Variants in RANBP2 observed in about 807,000 individuals in gnomAD.
RANBP2 encodes the protein E3 SUMO-protein ligase RanBP2.
Under a neutral mutation model 303.6 loss-of-function variants are expected in RANBP2, and 57 were observed. That is an observed-to-expected ratio of 0.19 (90% CI 0.15 to 0.23). The LOEUF (loss-of-function observed/expected upper bound fraction) is 0.23, where lower values mean the gene tolerates loss of function less well. Ranked by LOEUF, RANBP2 falls within the 10% of genes least tolerant of loss-of-function variation. The pLI, the probability that RANBP2 is intolerant of heterozygous loss-of-function variation, is 1.00. For missense variants in RANBP2, 3,138 were observed against 3,780.8 expected (o/e 0.83, Z 4.46); for synonymous variants, 1,167 against 1,301.5 (o/e 0.90, Z 2.23).
At chr2:109,553,125 T>G in the RANBP2 span, 1 of 1,613,752 alleles carries the variant, frequency 6.2e-7, no homozygotes. Context: ...TCTTTCTCCT[T>G]TACTCGCTGC....
the RANBP2 span, among the ~76,000 whole-genome samples, chr2:109,430,669 A>G: frequency 2.0e-5 from 3 of 152,132 alleles, no homozygotes; most frequent in East Asian, 5.8e-4. Context: ...CCTTAGTGGT[A>G]TTTCCTCTAT....
chr2:109,367,978 A>C, the RANBP2 span, among the ~76,000 whole-genome samples: 2 of 152,324 alleles, frequency 1.3e-5, no homozygotes, highest in African/African-American at 4.8e-5. Context: ...TATGTTTCTC[A>C]TTGCTAATTT....
the RANBP2 span, among the ~76,000 whole-genome samples, chr2:109,445,918 G>A: frequency 1.3e-5 from 2 of 152,112 alleles, no homozygotes; most frequent in Admixed American, 1.3e-4. Flanking sequence ...AGAATGAACT[G>A]AGTGAGGGCT....
chr2:109,464,465 CAT>C, the RANBP2 span, among the ~76,000 whole-genome samples: 2,914 of 152,282 alleles, frequency 0.019, 94 homozygotes, highest in African/African-American at 0.067. Context: ...CATGTGCACA[CAT>C]GTAAACATCT....
At chr2:109,202,263 G>A in the RANBP2 span, among the ~76,000 whole-genome samples, 1 of 152,278 alleles carries the variant, frequency 6.6e-6, no homozygotes, top group African/African-American at 2.4e-5. Flanking sequence ...CTCCAGTGCT[G>A]CCTCCCAGGT....
the RANBP2 span, chr2:108,911,146 C>A: frequency 6.3e-7 from 1 of 1,590,694 alleles, no homozygotes; most frequent in Non-Finnish European, 8.6e-7. Flanking sequence ...GACTCCGGCC[C>A]CTGGAAGCAA....
At chr2:109,260,802 A>G in the RANBP2 span, among the ~76,000 whole-genome samples, 1 of 152,170 alleles carries the variant, frequency 6.6e-6, no homozygotes, top group Non-Finnish European at 1.5e-5. Flanking sequence ...CCAAGTTCCT[A>G]AGTGCATGGT....
the RANBP2 span, among the ~76,000 whole-genome samples, chr2:109,264,427 G>C: frequency 6.6e-6 from 1 of 151,996 alleles, no homozygotes; most frequent in Non-Finnish European, 1.5e-5. Context: ...ACCTCCCCAC[G>C]ATCCACCCCA....
At position 108,719,672 on chromosome 2, in the gene RANBP2, T is replaced by A. The variant is rs753622770; in HGVS notation, c.66T>A (p.Pro22=). ...CGGTGCAGGGCTCCACCCCGTCGCC[T>A]CGACAGGTGAGTGGGTCTCGAAGAG... is the stretch of plus-strand genomic sequence containing the variant. ...IASVQGSTPS[P]RQKSMKGFYF... Residue 22 remains proline, a synonymous_variant, in exon 1 of 29, where the codon CCT becomes CCA. Coordinates refer to ENST00000283195, the MANE Select transcript of RANBP2 (RefSeq NM_006267.5). 3.7e-6 allele frequency: 6 copies of A among 1,605,224 alleles called. No homozygotes were observed. The South Asian group carries it at 6.7e-5, about 18-fold the overall frequency.
At chr2:108,826,473 G>C in the RANBP2 span, among the ~76,000 whole-genome samples, 1 of 152,098 alleles carries the variant, frequency 6.6e-6, no homozygotes, top group Non-Finnish European at 1.5e-5. Context: ...TTTACCTGTA[G>C]ATACCCATTT....
At chr2:109,145,439 C>T in the RANBP2 span, among the ~76,000 whole-genome samples, 4 of 152,134 alleles carry the variant, frequency 2.6e-5, no homozygotes, top group East Asian at 1.9e-4. Flanking sequence ...TATGGAAGAC[C>T]GGTCGCCTTC....
chr2:109,131,259 T>C, the RANBP2 span, among the ~76,000 whole-genome samples: 3 of 152,074 alleles, frequency 2.0e-5, no homozygotes, highest in Admixed American at 6.5e-5. Flanking sequence ...GGTTTTTTTT[T>C]CTATGGATCA....
the RANBP2 span, among the ~76,000 whole-genome samples, chr2:109,642,478 G>C: frequency 6.6e-6 from 1 of 152,128 alleles, no homozygotes; most frequent in African/African-American, 2.4e-5. Context: ...GGCCGGGAGC[G>C]GTGGCTCACG....
the RANBP2 span, among the ~76,000 whole-genome samples, chr2:108,890,708 A>T: frequency 1.3e-5 from 2 of 152,114 alleles, no homozygotes; most frequent in East Asian, 3.9e-4. Context: ...GAATGTCTAA[A>T]TCTCTAGACT....
the RANBP2 span, among the ~76,000 whole-genome samples, chr2:108,880,622 A>G: frequency 2.0e-5 from 3 of 152,154 alleles, no homozygotes; most frequent in Non-Finnish European, 2.9e-5. Context: ...TAGGGCCCTT[A>G]AGAATTATGC....
chr2:109,601,822 T>C, the RANBP2 span, among the ~76,000 whole-genome samples: 30 of 152,184 alleles, frequency 2.0e-4, no homozygotes, highest in Admixed American at 1.6e-3. Context: ...TTAAGTTTTC[T>C]AATACTCTAC....
At chr2:109,687,131 A>T in the RANBP2 span, among the ~76,000 whole-genome samples, 1 of 152,102 alleles carries the variant, frequency 6.6e-6, no homozygotes, top group South Asian at 2.1e-4. Flanking sequence ...TTTTTCACTC[A>T]CGAGGATTTT....
chr2:109,589,520 ACT>A, the RANBP2 span, among the ~76,000 whole-genome samples: 11 of 152,006 alleles, frequency 7.2e-5, no homozygotes, highest in African/African-American at 2.7e-4. Context: ...ACAGAGCAAG[ACT>A]CTGTCTCAAA....
the RANBP2 span, among the ~76,000 whole-genome samples, chr2:108,805,892 T>C: frequency 1.3e-5 from 2 of 152,154 alleles, no homozygotes; most frequent in Non-Finnish European, 2.9e-5. Flanking sequence ...ATTATGTATA[T>C]ATTAGATTGT....
Sources: gnomAD v4.1 joint callset for allele counts (sites outside exome capture counted in the v4.1 genomes callset) on GRCh38, gnomAD v4.1.1 for gene constraint, MANE v1.5 for transcripts, NCBI Gene and HGNC (gene_info 2026-07-23, HGNC 2026-07-21) for gene names.